Variants in NRXN3 observed in about 807,000 individuals in gnomAD.
NRXN3 encodes neurexin III.
Under a neutral mutation model 137.6 loss-of-function variants are expected in NRXN3, and 32 were observed. The observed-to-expected ratio is 0.23, with a 90% CI of 0.18 to 0.31. NRXN3 has a LOEUF of 0.31. NRXN3 is among the 10% of genes least tolerant of loss of function. The probability of loss-of-function intolerance (pLI) is 1.00; values close to 1 mark genes in which losing one functional copy is unlikely to be tolerated. For missense variants in NRXN3, 1,574 were observed against 2,062.5 expected (o/e 0.76, Z 4.59); for synonymous variants, 798 against 784.5 (o/e 1.02, Z -0.29).
chr14:79,252,049 A>G (rs553272122), intron 15 of NRXN3, among the ~76,000 whole-genome samples: 1 of 152,204 alleles, frequency 6.6e-6, no homozygotes, highest in Admixed American at 6.5e-5. Context: ...TTCTGATAGT[A>G]CCTTTATCTA....
intron 4 of NRXN3, among the ~76,000 whole-genome samples, chr14:78,403,304 G>T (rs984254882): frequency 6.6e-6 from 1 of 152,178 alleles, no homozygotes; most frequent in Non-Finnish European, 1.5e-5. Context: ...TAGCAACTTA[G>T]CTTCAAAATG....
In NRXN3 at chr14:79,057,884, T is replaced by C. The variant is rs2099667945; in HGVS notation, c.3262+69743T>C. ...TGAGACGAGGTTAAAAAAAAGGCTTTACTCATTTTTTTTCTAGTGGAGTAG... is the reference window on the plus strand; with the variant it reads ...TGAGACGAGGTTAAAAAAAAGGCTTCACTCATTTTTTTTCTAGTGGAGTAG... On this transcript the variant is annotated intron_variant, in intron 15 of 20. Transcript: ENST00000335750. 2.0e-5 allele frequency among the ~76,000 whole-genome samples: 3 copies of C among 152,146 alleles called. No homozygotes were observed. In the South Asian group the frequency reaches 6.2e-4, roughly 32 times the overall value.
intron 15 of NRXN3, among the ~76,000 whole-genome samples, chr14:79,104,109 A>G (rs780330738): frequency 2.0e-5 from 3 of 152,170 alleles, no homozygotes; most frequent in East Asian, 1.9e-4. Flanking sequence ...GTTATCAGGG[A>G]AGTCTTCTGT....
At chr14:78,656,976 G>A (rs565811975) in intron 6 of NRXN3, among the ~76,000 whole-genome samples, 1 of 149,336 alleles carries the variant, frequency 6.7e-6, no homozygotes, top group African/African-American at 2.5e-5. Context: ...GAACCCGGGA[G>A]GGGCAGCTTG....
chr14:78,485,514 T>C (rs1488642322), intron 4 of NRXN3, among the ~76,000 whole-genome samples: 3 of 152,234 alleles, frequency 2.0e-5, no homozygotes, highest in Admixed American at 2.0e-4. Flanking sequence ...AATCTCCATT[T>C]TCAAGTTTTC....
intron 8 of NRXN3, among the ~76,000 whole-genome samples, chr14:78,792,979 A>C (rs1430038655): frequency 6.6e-6 from 1 of 152,240 alleles, no homozygotes; most frequent in Non-Finnish European, 1.5e-5. Context: ...ATAACTTAAC[A>C]GTACATTTTA....
At chr14:78,427,275 T>G (rs948567538) in intron 4 of NRXN3, among the ~76,000 whole-genome samples, 2 of 152,210 alleles carry the variant, frequency 1.3e-5, no homozygotes, top group African/African-American at 4.8e-5. Context: ...TCTATTCCCT[T>G]GTGCGAGTTA....
At position 78,222,934 on chromosome 14, in the gene NRXN3, A is replaced by G. The variant is rs141544312; in HGVS notation, c.-703-19457A>G. Among the ~76,000 whole-genome samples, 467 of 152,368 alleles carry G rather than the reference A, an allele frequency of 3.1e-3. 2 individuals are homozygous for G. The highest frequency in any genetic ancestry group is 0.011 in the African/African-American group (450 of 41,586). ...CTCAATAAATACATTTGAGTGGGTG[A>G]GTAAATGCATGATGAAAAATTTACA... On this transcript the variant is annotated intron_variant, in intron 1 of 20. Transcript: ENST00000335750.
chr14:78,334,166 C>T (rs1414187655), intron 4 of NRXN3, among the ~76,000 whole-genome samples: 2 of 152,102 alleles, frequency 1.3e-5, no homozygotes, highest in Non-Finnish European at 2.9e-5. Context: ...CATATTATAT[C>T]TGAGATGCCA....
In NRXN3 at chr14:79,097,746, T is replaced by C. The variant is rs2050602657; in HGVS notation, c.3262+109605T>C. Among the ~76,000 whole-genome samples the C allele has an allele frequency of 2.6e-5, 4 of 152,328 alleles. 1 individual carries two copies. In the South Asian group the frequency reaches 8.3e-4, roughly 32 times the overall value. On this transcript the variant is annotated intron_variant, in intron 15 of 20. Coordinates refer to ENST00000335750, the MANE Select transcript of NRXN3 (RefSeq NM_001330195.2). Reference sequence around the variant, plus strand: ...ATAAGTTTAGAAGGTGAAGCCTGTATATATTTTTCATGTAAATGTAGTATT... The same window carrying C: ...ATAAGTTTAGAAGGTGAAGCCTGTACATATTTTTCATGTAAATGTAGTATT...
At chr14:79,144,478 A>C (rs1008150607) in intron 15 of NRXN3, among the ~76,000 whole-genome samples, 1 of 152,160 alleles carries the variant, frequency 6.6e-6, no homozygotes, top group South Asian at 2.1e-4. Context: ...CAGAAATCTT[A>C]CCCAAAATAT....
chr14:78,669,586 C>A (rs1463217863), intron 6 of NRXN3, among the ~76,000 whole-genome samples: 5 of 152,144 alleles, frequency 3.3e-5, no homozygotes, highest in South Asian at 2.1e-4. Flanking sequence ...GGTCTGAGGC[C>A]TGTTTGTCCG....
At chr14:78,187,950 C>T (rs1483860498) in intron 1 of NRXN3, among the ~76,000 whole-genome samples, 1 of 152,116 alleles carries the variant, frequency 6.6e-6, no homozygotes, top group Non-Finnish European at 1.5e-5. Flanking sequence ...ATTACAACTT[C>T]ACTACCAATT....
At chr14:79,381,409 C>T (rs1729417513) in intron 15 of NRXN3, among the ~76,000 whole-genome samples, 1 of 152,006 alleles carries the variant, frequency 6.6e-6, no homozygotes. Context: ...TCTGAAAGTT[C>T]TTGAATTCTC....
At chr14:78,447,948 T>C (rs2094459242) in intron 4 of NRXN3, among the ~76,000 whole-genome samples, 1 of 152,254 alleles carries the variant, frequency 6.6e-6, no homozygotes, top group African/African-American at 2.4e-5. Context: ...TTCCCTGACA[T>C]GCTCTGTTCA....
chr14:79,544,363 C>T (rs754814887), intron 16 of NRXN3, among the ~76,000 whole-genome samples: 2 of 152,170 alleles, frequency 1.3e-5, no homozygotes, highest in Non-Finnish European at 2.9e-5. Context: ...AAAAATGCCA[C>T]GATAACATCT....
intron 15 of NRXN3, among the ~76,000 whole-genome samples, chr14:79,002,279 A>G (rs957849372): frequency 2.6e-5 from 4 of 152,242 alleles, no homozygotes; most frequent in Non-Finnish European, 5.9e-5. Flanking sequence ...AGGTAAACAT[A>G]TACTACGGTG....
At chr14:78,535,241 C>CCAAATA (rs2096523958) in intron 4 of NRXN3, among the ~76,000 whole-genome samples, 1 of 151,856 alleles carries the variant, frequency 6.6e-6, no homozygotes, top group Admixed American at 6.6e-5. Flanking sequence ...CTCTGCTTCT[C>CCAAATA]TGTTTACTGG....
intron 16 of NRXN3, among the ~76,000 whole-genome samples, chr14:79,518,613 G>T (rs1365660127): frequency 6.6e-6 from 1 of 151,960 alleles, no homozygotes; most frequent in Non-Finnish European, 1.5e-5. Context: ...ATTTTCAGTT[G>T]TTTCTTCTGA....
Sources: allele counts gnomAD v4.1 joint callset (sites outside exome capture counted in the v4.1 genomes callset), GRCh38; gene constraint gnomAD v4.1.1; transcripts MANE v1.5; gene names NCBI Gene and HGNC (gene_info 2026-07-23, HGNC 2026-07-21).